Variants in PTPRS observed in about 807,000 individuals in gnomAD.
PTPRS encodes protein tyrosine phosphatase receptor type S, also known as receptor-type tyrosine-protein phosphatase S.
A neutral mutation model predicts 215.3 loss-of-function variants in PTPRS; 63 were observed. The ratio of observed to expected loss-of-function variants is 0.29; its 90% CI spans 0.24 to 0.36. The LOEUF is 0.36. Ranked by LOEUF, PTPRS falls within the 10% of genes least tolerant of loss-of-function variation. The pLI, the probability that PTPRS is intolerant of heterozygous loss-of-function variation, is 1.00. For missense variants in PTPRS, 2,258 were observed against 2,825.8 expected, an observed-to-expected ratio of 0.80 and a Z score of 4.56; for synonymous variants, 1,404 against 1,191.4, an observed-to-expected ratio of 1.18 and a Z score of -3.68.
At chr19:5,337,862 G>A (rs545899468) in intron 1 of PTPRS, among the ~76,000 whole-genome samples, 40 of 152,226 alleles carry the variant, frequency 2.6e-4, no homozygotes, top group African/African-American at 9.6e-4. Flanking sequence ...CTGGGAGGCA[G>A]GGAAAAAAGG....
intron 1 of PTPRS, among the ~76,000 whole-genome samples, chr19:5,319,010 C>T (rs1203463546): frequency 6.6e-6 from 1 of 152,140 alleles, no homozygotes; most frequent in Non-Finnish European, 1.5e-5. Flanking sequence ...CCCTGAAATT[C>T]TGAGTTCTGG....
intron 4 of PTPRS, among the ~76,000 whole-genome samples, chr19:5,271,010 G>T (rs2046860963): frequency 6.6e-6 from 1 of 152,170 alleles, no homozygotes. Context: ...TGGGACCAGA[G>T]TCTGAAATCG....
intron 2 of PTPRS, among the ~76,000 whole-genome samples, chr19:5,285,107 G>A (rs929322351): frequency 1.3e-5 from 2 of 152,188 alleles, no homozygotes; most frequent in African/African-American, 4.8e-5. Flanking sequence ...AGCAGGCAGG[G>A]GCTTATGAAA....
At chr19:5,309,146 A>AAGGG (rs1163262473) in intron 1 of PTPRS, among the ~76,000 whole-genome samples, 2 of 151,904 alleles carry the variant, frequency 1.3e-5, no homozygotes, top group Non-Finnish European at 2.9e-5. Flanking sequence ...GTGGAGAGAG[A>AAGGG]AGGGAGGAAG....
chr19:5,221,507 TTGAC>T (rs1394619845), intron 19 of PTPRS, among the ~76,000 whole-genome samples: 4 of 151,364 alleles, frequency 2.6e-5, no homozygotes, highest in South Asian at 2.1e-4. Context: ...GAAGCCCACT[TTGAC>T]TGAGCCCTGA....
At chr19:5,226,077 C>T (rs1036663790) in intron 16 of PTPRS, among the ~76,000 whole-genome samples, 1 of 152,296 alleles carries the variant, frequency 6.6e-6, no homozygotes, top group Non-Finnish European at 1.5e-5. Flanking sequence ...ACTCGGTCCT[C>T]TCTGCTCCGC....
At position 5,296,281 on chromosome 19, in the gene PTPRS, C is replaced by T. The variant is rs1014519172; in HGVS notation, c.-94-10047G>A. 9.9e-5 allele frequency among the ~76,000 whole-genome samples: 15 copies of T among 152,102 alleles called. 1 individual carries two copies. Among genetic ancestry groups the T allele is most frequent in the African/African-American group, 3.1e-4 (13 of 41,434 alleles). ...GGGTTGTAGGATGAGGAGGGAGGAT[C>T]GCCTGAGGCCAGGAGTTTGAGACCA... On this transcript the variant is annotated intron_variant, in intron 1 of 37. Coordinates refer to ENST00000262963, the MANE Select transcript of PTPRS (RefSeq NM_002850.4).
In PTPRS at chr19:5,206,251, A is replaced by T. The variant is rs1859978335; in HGVS notation, c.*523T>A. 1.4e-5 allele frequency: 2 copies of T among 145,966 alleles called. No homozygotes were observed. The highest frequency in any genetic ancestry group is 1.7e-4 in the Admixed American group (2 of 11,590). 9.0% of individuals were successfully genotyped at this position (145,966 alleles called of 1,614,324 possible). On this transcript the variant is annotated 3_prime_UTR_variant, in exon 38 of 38. Transcript: ENST00000262963. ...GGCGAGTCTTTTGTTTGTTTCTCTTAAAAAAAAAAATGGAAAAAAAAATAC... is the reference window on the plus strand; with the variant it reads ...GGCGAGTCTTTTGTTTGTTTCTCTTTAAAAAAAAAATGGAAAAAAAAATAC...
intron 24 of PTPRS, 28 bp from the exon 25 acceptor site, chr19:5,218,560 A>C (rs899644657): frequency 1.2e-6 from 2 of 1,604,266 alleles, no homozygotes; most frequent in African/African-American, 2.7e-5. Context: ...GGAACAGTCC[A>C]GTTAGTAGTG....
chr19:5,218,374 A>G (rs776408520), intron 25 of PTPRS, 46 bp downstream of exon 25: 1 of 1,555,144 alleles, frequency 6.4e-7, no homozygotes, highest in African/African-American at 1.4e-5. Flanking sequence ...CTCCCCAGCT[A>G]TCTCCCCTGT....
intron 23 of PTPRS, 62 bp from the exon 24 acceptor site, chr19:5,218,860 C>T (rs2041727737): frequency 1.4e-5 from 21 of 1,520,042 alleles, no homozygotes; most frequent in South Asian, 7.6e-5. Context: ...GAGGGTGTGC[C>T]GGCCATCAAG....
chr19:5,268,687 CCAGGCGCAGCG>C (rs1320138896), intron 4 of PTPRS, among the ~76,000 whole-genome samples: 1 of 152,166 alleles, frequency 6.6e-6, no homozygotes, highest in Non-Finnish European at 1.5e-5. Flanking sequence ...TAACAGCATC[CCAGGCGCAGCG>C]CAGGCAACGG....
intron 1 of PTPRS, among the ~76,000 whole-genome samples, chr19:5,330,067 ACT>A (rs2050275538): frequency 1.4e-5 from 2 of 138,518 alleles, no homozygotes; most frequent in Non-Finnish European, 3.1e-5. Context: ...ACAGAGCAAG[ACT>A]CTGTCTCAAA....
At chr19:5,292,178 A>T (rs2048874934) in intron 1 of PTPRS, among the ~76,000 whole-genome samples, 1 of 152,072 alleles carries the variant, frequency 6.6e-6, no homozygotes, top group Non-Finnish European at 1.5e-5. Context: ...GAACGTGGCA[A>T]AGCCCCTGCA....
rs1161310685 is a variant in PTPRS, at chr19:5,222,991, A to C, written c.2801T>G (p.Ile934Ser). Reference sequence around the variant, plus strand: ...CGAGGCGTTGCCGGCCGCCTCCAGAATCTGCGGGTGGCCACGGGGCGTGTC... The same window carrying C: ...CGAGGCGTTGCCGGCCGCCTCCAGACTCTGCGGGTGGCCACGGGGCGTGTC... Reference protein sequence around the residue: ...PEDTPRGHPQILEAAGNASAG... With the variant: ...PEDTPRGHPQSLEAAGNASAG... Residue 934 changes from isoleucine to serine, a missense_variant, in exon 18 of 38, where the codon ATT becomes AGT. By Grantham distance (142) the Ile-to-Ser change is moderately radical. Coordinates refer to ENST00000262963, the MANE Select transcript of PTPRS (RefSeq NM_002850.4). The C allele has an allele frequency of 3.2e-6, 5 of 1,541,676 alleles. No individual in the cohort carries two copies. The highest frequency in any genetic ancestry group is 4.4e-6 in the Non-Finnish European group (5 of 1,147,022).
At chr19:5,251,550 G>A (rs1030787032) in intron 9 of PTPRS, among the ~76,000 whole-genome samples, 3 of 151,358 alleles carry the variant, frequency 2.0e-5, no homozygotes, top group Admixed American at 6.6e-5. Flanking sequence ...GGCCGCCGGA[G>A]ACACGGGGCT....
chr19:5,309,488 G>T (rs1036328004), intron 1 of PTPRS, among the ~76,000 whole-genome samples: 9 of 152,150 alleles, frequency 5.9e-5, no homozygotes, highest in African/African-American at 2.2e-4. Flanking sequence ...CCAATGGCTT[G>T]CTTGTAGCAC....
chr19:5,336,900 C>T (rs1005791975), intron 1 of PTPRS, among the ~76,000 whole-genome samples: 2 of 152,134 alleles, frequency 1.3e-5, no homozygotes, highest in East Asian at 1.9e-4. Context: ...AGGCTTTGCC[C>T]GAGAAGGGTT....
At chr19:5,253,845 C>G (rs2045346391) in intron 9 of PTPRS, among the ~76,000 whole-genome samples, 1 of 152,166 alleles carries the variant, frequency 6.6e-6, no homozygotes, top group African/African-American at 2.4e-5. Flanking sequence ...TACAACAATC[C>G]TACTGGGAAT....
Sources: allele counts gnomAD v4.1 joint callset (sites outside exome capture counted in the v4.1 genomes callset), GRCh38; gene constraint gnomAD v4.1.1; transcripts MANE v1.5; gene names NCBI Gene and HGNC (gene_info 2026-07-23, HGNC 2026-07-21).